FAM227B: variants seen among roughly 807,000 people sequenced by gnomAD.
The protein encoded by FAM227B is protein FAM227B.
FAM227B carries 88 observed loss-of-function variants against 73.8 expected under a neutral mutation model. That is an observed-to-expected ratio of 1.19 (90% CI 1.00 to 1.42). The LOEUF (loss-of-function observed/expected upper bound fraction) is 1.42. FAM227B is among the 40% of genes most tolerant of loss of function. The pLI is 0.00. For synonymous variants in FAM227B, 210 were observed against 190.5 expected (o/e 1.10, Z -0.84); for missense variants, 632 against 590.9 (o/e 1.07, Z -0.72).
At chr15:49,486,347 G>A (rs1211376121) in intron 11 of FAM227B, 2 of 151,996 alleles carry the variant, frequency 1.3e-5, no homozygotes, top group Non-Finnish European at 2.9e-5. Flanking sequence ...ATGGTATTCT[G>A]AACTATCACC....
chr15:49,525,711 T>TATAC lies in FAM227B; in HGVS notation c.874+15968_874+15969insGTAT, dbSNP rs2060142479. On this transcript the variant is annotated intron_variant, in intron 10 of 15. Coordinates refer to ENST00000299338, the MANE Select transcript of FAM227B (RefSeq NM_152647.3). ...ATATATATATATATATATATATATATATATATATCACAAACAGAGCACAAA... is the reference window on the plus strand; with the variant it reads ...ATATATATATATATATATATATATATATACATATATATCACAAACAGAGCACAAA... Among the ~76,000 whole-genome samples the TATAC allele has an allele frequency of 2.5e-4, 16 of 63,210 alleles. 1 individual carries two copies. The highest frequency in any genetic ancestry group is 8.3e-4 in the African/African-American group (16 of 19,362). The allele number at this position is 63,210 out of a possible 152,430, so 41.5% of individuals were successfully genotyped here.
At chr15:49,367,303 T>G (rs932951654) in intron 13 of FAM227B, 145 bp downstream of exon 13, 1 of 681,346 alleles carries the variant, frequency 1.5e-6, no homozygotes, top group Non-Finnish European at 2.2e-6. Flanking sequence ...CTACCAAAGT[T>G]TTAAGCATAA....
At chr15:49,418,212 AG>A (rs1567238490) in intron 11 of FAM227B, among the ~76,000 whole-genome samples, 1 of 152,180 alleles carries the variant, frequency 6.6e-6, no homozygotes, top group Admixed American at 6.5e-5. Flanking sequence ...CACTGCTGAT[AG>A]GAGTGTAAAT....
chr15:49,365,244 AG>A lies in FAM227B; in HGVS notation c.1271+2203del. Reference sequence around the variant, plus strand: ...AACTTTTTCATTTCCTTACATTTCCAGGCAACAACTGAGGCAATAATAAGTG... The same window carrying A: ...AACTTTTTCATTTCCTTACATTTCCAGCAACAACTGAGGCAATAATAAGTG... On this transcript the variant is annotated intron_variant, in intron 13 of 15. Transcript: ENST00000299338. 4 of 1,112,366 alleles carry A rather than the reference AG, an allele frequency of 3.6e-6. No homozygotes were observed. In the South Asian group the frequency reaches 5.0e-5, roughly 14 times the overall value. 68.9% of individuals were successfully genotyped at this position (1,112,366 alleles called of 1,614,324 possible).
intron 13 of FAM227B, 73 bp from the exon 14 acceptor site, chr15:49,335,569 G>C: frequency 9.6e-7 from 1 of 1,039,004 alleles, no homozygotes; most frequent in Non-Finnish European, 1.5e-6. Flanking sequence ...CTTCACAGAG[G>C]AACCAAGGGG....
intron 14 of FAM227B, among the ~76,000 whole-genome samples, chr15:49,334,657 C>T (rs1440842031): frequency 6.6e-6 from 1 of 152,086 alleles, no homozygotes; most frequent in Admixed American, 6.5e-5. Context: ...AATGGGGACC[C>T]TTGGAAAGCA....
chr15:49,479,599 G>GTTTTTTTGTTTTTTTT (rs2055712240), intron 11 of FAM227B, among the ~76,000 whole-genome samples: 2 of 63,292 alleles, frequency 3.2e-5, no homozygotes, highest in African/African-American at 1.3e-4. Context: ...TAATACCTCT[G>GTTTTTTTGTTTTTTTT]TTTTTTTTTT....
intron 11 of FAM227B, among the ~76,000 whole-genome samples, chr15:49,472,950 A>G (rs2054914099): frequency 6.6e-6 from 1 of 152,166 alleles, no homozygotes; most frequent in Non-Finnish European, 1.5e-5. Context: ...GTTATTTGTG[A>G]TTTATTCCAT....
chr15:49,613,745 T>C (rs1420138805), intron 2 of FAM227B, among the ~76,000 whole-genome samples: 7 of 152,154 alleles, frequency 4.6e-5, no homozygotes, highest in Non-Finnish European at 1.0e-4. Context: ...GCCATAAATA[T>C]ATATATACTT....
At chr15:49,329,078 T>C (rs2151122901) in intron 15 of FAM227B, 1 of 996,802 alleles carries the variant, frequency 1.0e-6, no homozygotes, top group Admixed American at 5.6e-5. Flanking sequence ...TCCAAGAAAT[T>C]CCACACATTC....
intron 11 of FAM227B, among the ~76,000 whole-genome samples, chr15:49,497,966 C>T (rs2057772030): frequency 6.6e-6 from 1 of 152,184 alleles, no homozygotes; most frequent in South Asian, 2.1e-4. Flanking sequence ...AAATTTTTGT[C>T]CAGTCTTCTG....
chr15:49,420,950 T>A (rs2049576931), intron 11 of FAM227B, among the ~76,000 whole-genome samples: 1 of 152,032 alleles, frequency 6.6e-6, no homozygotes, highest in African/African-American at 2.4e-5. Context: ...TTGTGATCCA[T>A]CCGCCTCGGC....
intron 11 of FAM227B, among the ~76,000 whole-genome samples, chr15:49,493,928 T>C (rs1029204591): frequency 6.6e-6 from 1 of 151,624 alleles, no homozygotes; most frequent in African/African-American, 2.4e-5. Context: ...AATAGTACAG[T>C]GTCAGGCACT....
chr15:49,370,163 A>C (rs1360055668), intron 12 of FAM227B, among the ~76,000 whole-genome samples: 1 of 152,220 alleles, frequency 6.6e-6, no homozygotes, highest in African/African-American at 2.4e-5. Context: ...TACCCAGTCC[A>C]TGGTATTTTG....
At chr15:49,478,105 T>A (rs1203972958) in intron 11 of FAM227B, among the ~76,000 whole-genome samples, 2 of 152,162 alleles carry the variant, frequency 1.3e-5, no homozygotes, top group Non-Finnish European at 2.9e-5. Flanking sequence ...GTGTCAGTTG[T>A]TGCCATCTTT....
At chr15:49,561,652 T>G (rs1191670138) in intron 9 of FAM227B, among the ~76,000 whole-genome samples, 1 of 152,056 alleles carries the variant, frequency 6.6e-6, no homozygotes, top group Admixed American at 6.6e-5. Flanking sequence ...AAAAGTTAAA[T>G]ACTACCACAG....
chr15:49,336,786 G>A (rs1232152568), intron 13 of FAM227B, among the ~76,000 whole-genome samples: 2 of 152,058 alleles, frequency 1.3e-5, no homozygotes, highest in Admixed American at 6.6e-5. Flanking sequence ...TGAGGTTTGG[G>A]GTCTGAATGA....
chr15:49,409,634 T>C (rs2048745197), intron 11 of FAM227B, among the ~76,000 whole-genome samples: 1 of 151,870 alleles, frequency 6.6e-6, no homozygotes, highest in African/African-American at 2.4e-5. Context: ...TTGTTGTAAT[T>C]ATTATTGTTA....
intron 12 of FAM227B, among the ~76,000 whole-genome samples, chr15:49,370,138 T>C (rs904533811): frequency 7.2e-5 from 11 of 152,146 alleles, no homozygotes; most frequent in Non-Finnish European, 1.3e-4. Context: ...AGAAATGAAT[T>C]TCTGTTGTTT....
Sources: gnomAD v4.1 joint callset for allele counts (sites outside exome capture counted in the v4.1 genomes callset) on GRCh38, gnomAD v4.1.1 for gene constraint, MANE v1.5 for transcripts, NCBI Gene and HGNC (gene_info 2026-07-23, HGNC 2026-07-21) for gene names.